PTH2R: variants seen among roughly 807,000 people sequenced by gnomAD.
PTH2R encodes parathyroid hormone 2 receptor.
In PTH2R, 59 loss-of-function variants were observed where a neutral mutation model predicts 60.3. The ratio of observed to expected loss-of-function variants is 0.98; its 90% CI spans 0.79 to 1.22. The LOEUF (loss-of-function observed/expected upper bound fraction) is 1.22. PTH2R is among the 50% of genes most tolerant of loss of function. The pLI is 0.00. For missense variants in PTH2R, 749 were observed against 682.6 expected (o/e 1.10, Z -1.08); for synonymous variants, 256 against 243.8 (o/e 1.05, Z -0.47).
upstream of PTH2R, among the ~76,000 whole-genome samples, chr2:208,404,098 C>T (rs546508095): frequency 6.6e-6 from 1 of 152,276 alleles, no homozygotes; most frequent in Non-Finnish European, 1.5e-5. Flanking sequence ...AAAACCTCTA[C>T]AGTCAGAGAG....
At chr2:208,469,617 G>A (rs1702836212) in intron 9 of PTH2R, among the ~76,000 whole-genome samples, 1 of 152,114 alleles carries the variant, frequency 6.6e-6, no homozygotes, top group Non-Finnish European at 1.5e-5. Context: ...TATAATTATA[G>A]CATTGTTGTT....
chr2:208,494,440 T>C lies in PTH2R; in HGVS notation c.*781T>C, dbSNP rs1254282948. On this transcript the variant is annotated 3_prime_UTR_variant, in exon 13 of 13. Transcript: ENST00000272847. ...AAATCATGCTGCATCTATATCTTTT[T>C]CTTGTTTGAGCTGTTACTACATTGT... 4 of 152,362 alleles carry C rather than the reference T, an allele frequency of 2.6e-5. No homozygotes were observed. The East Asian group carries it at 5.8e-4, about 22-fold the overall frequency. 9.4% of individuals were successfully genotyped at this position (152,362 alleles called of 1,614,324 possible).
chr2:208,429,529 A>G (rs2105856279), intron 2 of PTH2R, among the ~76,000 whole-genome samples: 1 of 152,260 alleles, frequency 6.6e-6, no homozygotes, highest in South Asian at 2.1e-4. Flanking sequence ...TAAAATTACT[A>G]TATTTAAAAA....
chr2:208,443,531 A>G lies in PTH2R; in HGVS notation c.693A>G (p.Ser231=). ...NSIEATSVDK[S]QYIGCKIAVV... is the part of the protein sequence containing the mutation. ...TTGAGGCAACTTCTGTGGACAAATC[A>G]CAATATGTAAGTGTTTTCACCATTT... Residue 231 remains serine, a synonymous_variant, in exon 6 of 13, where the codon TCA becomes TCG. Coordinates refer to ENST00000272847, the MANE Select transcript of PTH2R (RefSeq NM_005048.4). 6.2e-7 allele frequency: 1 copy of G among 1,602,250 alleles called. No homozygotes were observed. The highest frequency in any genetic ancestry group is 1.1e-5 in the South Asian group (1 of 88,682).
At chr2:208,382,748 A>G (rs1384686997) in intron 1 of PTH2R, among the ~76,000 whole-genome samples, 4 of 152,258 alleles carry the variant, frequency 2.6e-5, no homozygotes, top group Non-Finnish European at 5.9e-5. Context: ...TTTTGGTGTT[A>G]CTCTGTACTT....
At chr2:208,390,989 C>T (rs1559206125) in intron 1 of PTH2R, among the ~76,000 whole-genome samples, 4 of 152,226 alleles carry the variant, frequency 2.6e-5, no homozygotes, top group African/African-American at 7.2e-5. Context: ...GGCTTTGACT[C>T]GAGTGTGATG....
intron 7 of PTH2R, among the ~76,000 whole-genome samples, chr2:208,447,823 A>G (rs988701263): frequency 2.4e-4 from 37 of 151,986 alleles, no homozygotes; most frequent in African/African-American, 8.5e-4. Flanking sequence ...CAAGCACATT[A>G]TTATTTTCCC....
chr2:208,368,152 T>G (rs1700629037), intron 1 of PTH2R, among the ~76,000 whole-genome samples: 1 of 152,228 alleles, frequency 6.6e-6, no homozygotes, highest in East Asian at 1.9e-4. Flanking sequence ...CCTGGTACTC[T>G]GAGGCACCAG....
chr2:208,480,665 G>A (rs1431072356), intron 9 of PTH2R, among the ~76,000 whole-genome samples: 1 of 152,082 alleles, frequency 6.6e-6, no homozygotes, highest in Admixed American at 6.5e-5. Context: ...TAGACAGAGT[G>A]AATCCCCAAA....
At chr2:208,469,038 A>G (rs1054261645) in intron 9 of PTH2R, among the ~76,000 whole-genome samples, 6 of 152,218 alleles carry the variant, frequency 3.9e-5, no homozygotes, top group Admixed American at 3.3e-4. Flanking sequence ...TTCAATTTCT[A>G]GAGGAGAAAA....
In PTH2R at chr2:208,447,939, CT is replaced by C. The variant is rs551794920; in HGVS notation, c.854-2802del. ...TTAATTCTGTATGTAAAAGGTATCT[CT>C]TTTTTTTATTGTTACTAAATATGGT... On this transcript the variant is annotated intron_variant, in intron 7 of 12. Transcript: ENST00000272847. Among the ~76,000 whole-genome samples, 57 of 151,904 alleles carry C rather than the reference CT, an allele frequency of 3.8e-4. No individual in the cohort carries two copies. In the South Asian group the frequency reaches 5.0e-3, roughly 13 times the overall value.
Position 208,369,159 on chromosome 2 carries a change from A to G in PTH2R, c.-259+8922A>G, listed in dbSNP as rs923797373. Among the ~76,000 whole-genome samples, 16 of 152,064 alleles carry G rather than the reference A, an allele frequency of 1.1e-4. No homozygotes were observed. The East Asian group carries it at 2.1e-3, about 20-fold the overall frequency. On this transcript the variant is annotated intron_variant, in intron 1 of 12. Coordinates refer to the PTH2R transcript ENST00000617735. The stretch of plus-strand genomic sequence containing the variant: ...TGGTCAATAAATAAAATACATTTCT[A>G]TAGTAACCAAGGCTAAATTAAAGGG...
chr2:208,436,277 T>C (rs1015885457), intron 2 of PTH2R, among the ~76,000 whole-genome samples: 1 of 104,136 alleles, frequency 9.6e-6, no homozygotes, highest in African/African-American at 2.6e-5. Flanking sequence ...AGTGAAAATA[T>C]GAAGGAGGTA....
rs573817867 is a variant in PTH2R at position 208,387,195 on chromosome 2, T to C, written c.-259+26958T>C. Among the ~76,000 whole-genome samples the C allele has an allele frequency of 2.0e-5, 3 of 152,286 alleles. No individual in the cohort carries two copies. In the East Asian group the frequency reaches 5.8e-4, roughly 29 times the overall value. The stretch of plus-strand genomic sequence containing the variant: ...TATACATTTTTAAAACAATTTTATA[T>C]ACAGTATTAAATTTTATTTTTCAAT... On this transcript the variant is annotated intron_variant, in intron 1 of 12. Coordinates refer to the PTH2R transcript ENST00000617735.
intron 1 of PTH2R, among the ~76,000 whole-genome samples, chr2:208,365,960 A>ATTTT (rs1172950601): frequency 1.2e-4 from 2 of 16,118 alleles, no homozygotes; most frequent in Non-Finnish European, 1.0e-4. Context: ...ATATATATAT[A>ATTTT]TTTTTTTTTT....
At chr2:208,411,910 T>C (rs886515799) in intron 1 of PTH2R, among the ~76,000 whole-genome samples, 5 of 152,222 alleles carry the variant, frequency 3.3e-5, no homozygotes, top group African/African-American at 1.2e-4. Context: ...TAACAAAAGA[T>C]GTCAGCTCTT....
At chr2:208,388,617 A>T (rs192258083) in intron 1 of PTH2R, among the ~76,000 whole-genome samples, 82 of 152,330 alleles carry the variant, frequency 5.4e-4, no homozygotes, top group African/African-American at 1.9e-3. Flanking sequence ...ATATGTCTTT[A>T]TGAGTTGTGT....
At chr2:208,392,995 T>C (rs1701134617) in intron 1 of PTH2R, among the ~76,000 whole-genome samples, 1 of 152,228 alleles carries the variant, frequency 6.6e-6, no homozygotes, top group African/African-American at 2.4e-5. Flanking sequence ...CGTATTGCTG[T>C]CTGGGCATTC....
chr2:208,466,014 C>A (rs1702743735), intron 9 of PTH2R, among the ~76,000 whole-genome samples: 1 of 151,954 alleles, frequency 6.6e-6, no homozygotes, highest in Non-Finnish European at 1.5e-5. Flanking sequence ...ACTTTGTTTC[C>A]ATGCATTTAT....
Sources: allele counts gnomAD v4.1 joint callset (sites outside exome capture counted in the v4.1 genomes callset), GRCh38; gene constraint gnomAD v4.1.1; transcripts MANE v1.5; gene names NCBI Gene and HGNC (gene_info 2026-07-23, HGNC 2026-07-21).